Variants in LRRC19 observed in about 807,000 individuals in gnomAD.
The protein encoded by LRRC19 is leucine-rich repeat-containing protein 19.
A neutral mutation model predicts 33.3 loss-of-function variants in LRRC19; 33 were observed. The observed-to-expected ratio is 0.99, with a 90% CI of 0.75 to 1.33. The LOEUF (loss-of-function observed/expected upper bound fraction) is 1.33, where lower values mean the gene tolerates loss of function less well. Ranked by LOEUF, LRRC19 falls within the 40% of genes most tolerant of loss-of-function variation. The probability of loss-of-function intolerance (pLI) is 0.00; values close to 1 mark genes in which losing one functional copy is unlikely to be tolerated. For synonymous variants in LRRC19, 184 were observed against 152.3 expected (o/e 1.21, Z -1.53); for missense variants, 463 against 417.3 (o/e 1.11, Z -0.95).
intron 1 of LRRC19, among the ~76,000 whole-genome samples, chr9:27,001,166 A>G (rs1828462743): frequency 6.6e-6 from 1 of 152,054 alleles, no homozygotes; most frequent in Non-Finnish European, 1.5e-5. Flanking sequence ...ATAATATTCC[A>G]TTGTATATAT....
rs1355485207 is a variant in LRRC19, at chr9:26,993,151, G to A, written c.*2370C>T. 1 of 151,996 alleles carries A rather than the reference G, an allele frequency of 6.6e-6. No homozygotes were observed. Among genetic ancestry groups the A allele is most frequent in the Non-Finnish European group, 1.5e-5 (1 of 67,980 alleles). 9.4% of individuals were successfully genotyped at this position (151,996 alleles called of 1,614,324 possible). A position where few individuals can be genotyped will look rare whatever the true frequency, so the allele number is the denominator to read the frequency against. ...TTTATACCCATTTATTTTTCTTTGT[G>A]TAGTCAGATATTTATTGAATACCCC... On this transcript the variant is annotated 3_prime_UTR_variant, in exon 5 of 5. Coordinates refer to ENST00000380055, the MANE Select transcript of LRRC19 (RefSeq NM_022901.3).
chr9:27,000,926 A>T (rs766017193), intron 1 of LRRC19, among the ~76,000 whole-genome samples: 2 of 152,170 alleles, frequency 1.3e-5, no homozygotes, highest in Admixed American at 6.5e-5. Context: ...GTATGTTTGT[A>T]TGCATTAATA....
Position 27,005,367 on chromosome 9 carries a change from C to G in LRRC19, c.-10+225G>C, listed in dbSNP as rs886564422. Among the ~76,000 whole-genome samples the G allele has an allele frequency of 1.3e-3, 136 of 102,752 alleles. 3 individuals carry two copies. Among genetic ancestry groups the G allele is most frequent in the Non-Finnish European group, 2.3e-3 (110 of 48,262 alleles). 67.4% of individuals were successfully genotyped at this position (102,752 alleles called of 152,430 possible). Reference sequence around the variant, plus strand: ...TGAAACCATTTCCCCCCCCGCCCCCCGCAAAACAATTACTTAGTATTGTAT... The same window carrying G: ...TGAAACCATTTCCCCCCCCGCCCCCGGCAAAACAATTACTTAGTATTGTAT... On this transcript the variant is annotated intron_variant, in intron 1 of 4. Transcript: ENST00000380055.
In LRRC19 at chr9:26,998,167, A is replaced by T; in HGVS notation, c.156T>A (p.Leu52=). The T allele has an allele frequency of 6.3e-7, 1 of 1,590,858 alleles. No homozygotes were observed. The highest frequency in any genetic ancestry group is 8.6e-7 in the Non-Finnish European group (1 of 1,165,398). ...GAGTAATTTGGTTATAACTGAGATC[A>T]AGTATAGTAACATCTTTCTTGATAT... ...PADIKKDVTI[L]DLSYNQITLN... Residue 52 remains leucine, a synonymous_variant, in exon 3 of 5, where the codon CTT becomes CTA. Transcript: ENST00000380055.
intron 1 of LRRC19, among the ~76,000 whole-genome samples, chr9:27,000,013 TC>T (rs909869221): frequency 6.6e-6 from 1 of 151,924 alleles, no homozygotes; most frequent in African/African-American, 2.4e-5. Context: ...GCGAGCCATT[TC>T]CCCCCAGCCA....
At chr9:27,003,742 G>A (rs1328245816) in intron 1 of LRRC19, among the ~76,000 whole-genome samples, 2 of 152,058 alleles carry the variant, frequency 1.3e-5, no homozygotes, top group Non-Finnish European at 2.9e-5. Flanking sequence ...AAGCTACTCT[G>A]CCTCCTATAT....
At position 26,997,781 on chromosome 9, in the gene LRRC19, G is replaced by T. The variant is rs1475998154; in HGVS notation, c.542C>A (p.Ser181Tyr). The change falls in exon 3 of 5, where the codon TCT becomes TAT. Residue 181 changes from serine to tyrosine, a missense_variant. Ser to Tyr is a moderately radical substitution (Grantham distance 144, BLOSUM62 -2). Transcript: ENST00000380055. ...ITLYGNLWNC[S>Y]CSLFNLQNWL... ...GTTCTGCAAATTAAATAGACTGCAA[G>T]AGCAGTTCCATAGGTTTCCATATAA... 1.2e-6 allele frequency: 2 copies of T among 1,613,400 alleles called. No individual in the cohort carries two copies. Among genetic ancestry groups the T allele is most frequent in the Non-Finnish European group, 1.7e-6 (2 of 1,179,850 alleles).
chr9:26,995,531 T>G lies in LRRC19; in HGVS notation c.1103A>C (p.Glu368Ala), dbSNP rs927893385. The G allele has an allele frequency of 1.9e-6, 3 of 1,540,336 alleles. No individual in the cohort carries two copies. In the African/African-American group the frequency reaches 4.1e-5, roughly 21 times the overall value. ...DKYIDIHELC[E>A]EN ...AAACTTTGAAAGAAATTAATTTTCT[T>G]CACATAATTCATGGATATCTATATA... The change falls in exon 5 of 5, where the codon GAA becomes GCA. Residue 368 changes from glutamate (E) to alanine (A), a missense_variant. Physicochemically the swap from Glu to Ala is moderately radical, Grantham distance 107. Coordinates refer to ENST00000380055, the MANE Select transcript of LRRC19 (RefSeq NM_022901.3).
In LRRC19 at chr9:26,997,874, A is replaced by G. The variant is rs2131574229; in HGVS notation, c.449T>C (p.Leu150Pro). Residue 150 changes from leucine to proline, a missense_variant, in exon 3 of 5, where the codon CTG (leucine) becomes CCG (proline). Coordinates refer to ENST00000380055, the MANE Select transcript of LRRC19 (RefSeq NM_022901.3). The stretch of plus-strand genomic sequence containing the variant: ...GCTAATCAAATTGCCTTGCAGATTC[A>G]GAAGTTTTAGGCTTCTTAGAGGCAC... ...VFVPLRSLKL[L>P]NLQGNLISYL... The G allele has an allele frequency of 2.5e-6, 4 of 1,614,196 alleles. No homozygotes were observed. Among genetic ancestry groups the G allele is most frequent in the Non-Finnish European group, 3.4e-6 (4 of 1,180,028 alleles).
Position 26,996,293 on chromosome 9 carries a change from A to G in LRRC19, c.784+18T>C, listed in dbSNP as rs751637787. ...ATGATACATTCAGCAGTGTTAATAT[A>G]TAGAACCAGTATATTACCTGAATTT... On this transcript the variant is annotated intron_variant, in intron 4 of 4. Transcript: ENST00000380055. The G allele has an allele frequency of 2.1e-6, 3 of 1,452,762 alleles. No individual in the cohort carries two copies. The highest frequency in any genetic ancestry group is 3.7e-5 in the Admixed American group (2 of 54,520). The allele number at this position is 1,452,762 out of a possible 1,614,324, so 90.0% of individuals were successfully genotyped here. A position where few individuals can be genotyped will look rare whatever the true frequency, so the allele number is the denominator to read the frequency against.
chr9:27,002,939 T>C (rs997273307), intron 1 of LRRC19, among the ~76,000 whole-genome samples: 4 of 152,216 alleles, frequency 2.6e-5, no homozygotes, highest in Non-Finnish European at 4.4e-5. Flanking sequence ...TTTCCATTTT[T>C]TTTTGTATCC....
At chr9:27,003,205 G>GT (rs11435056) in intron 1 of LRRC19, among the ~76,000 whole-genome samples, 7,273 of 147,622 alleles carry the variant, frequency 0.049, 227 homozygotes, top group South Asian at 0.13. Flanking sequence ...TTTAGGGTTT[G>GT]TTTTTTTTTT....
intron 1 of LRRC19, among the ~76,000 whole-genome samples, 168 bp from the exon 2 acceptor site, chr9:26,999,871 A>T (rs1246788952): frequency 8.5e-5 from 12 of 140,936 alleles, no homozygotes; most frequent in Non-Finnish European, 1.5e-4. Flanking sequence ...TCCCAGGCTT[A>T]AGCAGTCCTC....
At position 26,997,997 on chromosome 9, in the gene LRRC19, A is replaced by G. The variant is rs780005353; in HGVS notation, c.326T>C (p.Ile109Thr). 7 of 1,613,844 alleles carry G rather than the reference A, an allele frequency of 4.3e-6. No individual in the cohort carries two copies. The African/African-American group carries it at 6.7e-5, about 15-fold the overall frequency. The stretch of plus-strand genomic sequence containing the variant: ...AAATGCACCCTGTTGAATTACATAG[A>G]TGGAGTTTCTACAGATATTTAAAAT... ...LEILNICRNS[I>T]YVIQQGAFLG... is the part of the protein sequence containing the mutation. Residue 109 changes from isoleucine to threonine, a missense_variant, in exon 3 of 5, where the codon ATC becomes ACC. By Grantham distance (89) the Ile-to-Thr change is moderately conservative. Transcript: ENST00000380055.
chr9:26,998,251 CAAA>C lies in LRRC19; in HGVS notation c.82-13_82-11del, dbSNP rs546349071. 9.5e-6 allele frequency: 13 copies of C among 1,363,642 alleles called. No individual in the cohort carries two copies. In the South Asian group the frequency reaches 2.1e-4, roughly 22 times the overall value. The allele number at this position is 1,363,642 out of a possible 1,614,324, so 84.5% of individuals were successfully genotyped here. A position where few individuals can be genotyped will look rare whatever the true frequency, so the allele number is the denominator to read the frequency against. On this transcript the variant is annotated splice_polypyrimidine_tract_variant and intron_variant, in intron 2 of 4. Transcript: ENST00000380055. ...AATTACATTGGACTTCCTAGAAAAA[CAAA>C]AAAAAGAAAGGCATTAATCAGAAAA...
intron 2 of LRRC19, among the ~76,000 whole-genome samples, chr9:26,999,209 C>T (rs1335077553): frequency 6.6e-6 from 1 of 152,108 alleles, no homozygotes; most frequent in African/African-American, 2.4e-5. Flanking sequence ...TTTTACTGAA[C>T]AGTAAACTAA....
intron 1 of LRRC19, among the ~76,000 whole-genome samples, chr9:27,005,054 C>G (rs936053832): frequency 1.8e-4 from 28 of 151,938 alleles, no homozygotes; most frequent in African/African-American, 6.8e-4. Flanking sequence ...GATATTTATG[C>G]CAGAATTCAA....
intron 3 of LRRC19, among the ~76,000 whole-genome samples, chr9:26,997,173 A>G (rs1247322098): frequency 2.0e-5 from 3 of 151,606 alleles, no homozygotes; most frequent in Non-Finnish European, 2.9e-5. Flanking sequence ...GATCACGCCA[A>G]TGCATTCCAG....
In LRRC19 at chr9:26,998,071, C is replaced by T; in HGVS notation, c.252G>A (p.Lys84=). The stretch of plus-strand genomic sequence containing the variant: ...AACCGTTATTATGTAAGATAGTAAC[C>T]TTGTTCTCAATCAAATAGAGCTCTG... ...LLTELYLIEN[K]VTILHNNGFG... is the part of the protein sequence containing the mutation. The change falls in exon 3 of 5, where the codon AAG becomes AAA. Residue 84 remains lysine (K), a synonymous_variant. Coordinates refer to ENST00000380055, the MANE Select transcript of LRRC19 (RefSeq NM_022901.3). 6.2e-7 allele frequency: 1 copy of T among 1,613,248 alleles called. No individual in the cohort carries two copies. Among genetic ancestry groups the T allele is most frequent in the Non-Finnish European group, 8.5e-7 (1 of 1,179,506 alleles).
Sources: gnomAD v4.1 joint callset for allele counts (sites outside exome capture counted in the v4.1 genomes callset) on GRCh38, gnomAD v4.1.1 for gene constraint, MANE v1.5 for transcripts, NCBI Gene and HGNC (gene_info 2026-07-23, HGNC 2026-07-21) for gene names.